Variants in CHCHD3 observed in about 807,000 individuals in gnomAD.
CHCHD3 encodes the protein coiled-coil-helix-coiled-coil-helix domain containing 3.
A neutral mutation model predicts 38.2 loss-of-function variants in CHCHD3; 20 were observed. That is an observed-to-expected ratio of 0.52 (90% confidence interval 0.37 to 0.76). The LOEUF (loss-of-function observed/expected upper bound fraction) is 0.76. CHCHD3 is among the 30% of genes least tolerant of loss of function. The pLI is 0.00. For synonymous variants in CHCHD3, 82 were observed against 100.0 expected (o/e 0.82, Z 1.07); for missense variants, 245 against 279.2 (o/e 0.88, Z 0.87).
At chr7:132,833,138 A>T in intron 6 of CHCHD3, among the ~76,000 whole-genome samples, 1 of 152,222 alleles carries the variant, frequency 6.6e-6, no homozygotes, top group Non-Finnish European at 1.5e-5. Flanking sequence ...GGTACAGCAT[A>T]AGGATTAATA....
At chr7:133,016,314 T>G (rs1267064951) in intron 3 of CHCHD3, among the ~76,000 whole-genome samples, 2 of 152,216 alleles carry the variant, frequency 1.3e-5, no homozygotes, top group African/African-American at 2.4e-5. Context: ...TTTGTTAATG[T>G]GGGTACATTG....
At chr7:132,873,259 C>G (rs1419993963) in intron 5 of CHCHD3, among the ~76,000 whole-genome samples, 1 of 152,024 alleles carries the variant, frequency 6.6e-6, no homozygotes, top group Admixed American at 6.6e-5. Flanking sequence ...AATCCCAGGT[C>G]AAGTTACTCA....
chr7:132,910,396 T>G (rs1809916213), intron 4 of CHCHD3, among the ~76,000 whole-genome samples: 1 of 152,372 alleles, frequency 6.6e-6, no homozygotes, highest in South Asian at 2.1e-4. Context: ...TTCAGGCTCC[T>G]GACAGACACA....
At chr7:133,034,818 C>T (rs777447618) in intron 2 of CHCHD3, 2 of 1,611,682 alleles carry the variant, frequency 1.2e-6, no homozygotes, top group South Asian at 1.1e-5. Flanking sequence ...AATGGAGCTG[C>T]TATTGTTGGT....
At chr7:132,962,443 A>C (rs1010803217) in intron 4 of CHCHD3, among the ~76,000 whole-genome samples, 20 of 152,244 alleles carry the variant, frequency 1.3e-4, no homozygotes, top group Non-Finnish European at 2.5e-4. Context: ...AACAAAGGGC[A>C]TAAAGAAAAG....
chr7:132,815,196 CA>C (rs1158833002), intron 6 of CHCHD3, among the ~76,000 whole-genome samples: 1 of 152,066 alleles, frequency 6.6e-6, no homozygotes, highest in Non-Finnish European at 1.5e-5. Context: ...TTATAAGTGC[CA>C]ACATTTAGAC....
At chr7:132,990,951 T>TACACACAC (rs768136991) in intron 3 of CHCHD3, among the ~76,000 whole-genome samples, 36,921 of 143,574 alleles carry the variant, frequency 0.26, 5,317 homozygotes, top group Non-Finnish European at 0.34. Context: ...CAGACACACA[T>TACACACAC]ACACACACAC....
intron 6 of CHCHD3, among the ~76,000 whole-genome samples, chr7:132,830,152 A>G (rs1055535730): frequency 2.0e-5 from 3 of 152,232 alleles, no homozygotes; most frequent in African/African-American, 7.2e-5. Flanking sequence ...GAAGGGGGGA[A>G]AAAGCATTAA....
rs557499267 is a variant in CHCHD3, at chr7:132,829,913, C to T, written c.524+8486G>A. 4.6e-5 allele frequency among the ~76,000 whole-genome samples: 7 copies of T among 152,270 alleles called. No homozygotes were observed. The East Asian group carries it at 1.2e-3, about 25-fold the overall frequency. ...TATTCCCAATCAGCTTTGCCATCTG[C>T]CCTGCCCTTTTCTGCAGGATACCAC... On this transcript the variant is annotated intron_variant, in intron 6 of 7. Coordinates refer to ENST00000262570, the MANE Select transcript of CHCHD3 (RefSeq NM_017812.4).
chr7:132,834,177 C>T lies in CHCHD3; in HGVS notation c.524+4222G>A, dbSNP rs149488029. 4.1e-3 allele frequency among the ~76,000 whole-genome samples: 624 copies of T among 152,246 alleles called. 8 individuals carry two copies. Among genetic ancestry groups the T allele is most frequent in the African/African-American group, 0.014 (585 of 41,534 alleles). On this transcript the variant is annotated intron_variant, in intron 6 of 7. Transcript: ENST00000262570. Reference sequence around the variant, plus strand: ...TATTATATATTGTCTTACAAAAGTCCTGATTATCTGAGATGGCCAAATTTC... The same window carrying T: ...TATTATATATTGTCTTACAAAAGTCTTGATTATCTGAGATGGCCAAATTTC...
chr7:132,902,687 A>G (rs1048170639), intron 4 of CHCHD3, among the ~76,000 whole-genome samples: 6 of 152,132 alleles, frequency 3.9e-5, no homozygotes, highest in African/African-American at 1.4e-4. Flanking sequence ...GGGAGTGGGG[A>G]GGGATAGCAT....
At chr7:132,789,020 C>T (rs1166738357) in intron 7 of CHCHD3, among the ~76,000 whole-genome samples, 2 of 152,176 alleles carry the variant, frequency 1.3e-5, no homozygotes, top group African/African-American at 4.8e-5. Flanking sequence ...AGCTATGCGA[C>T]AAAACCTGCT....
At chr7:133,000,023 C>T (rs1812523409) in intron 3 of CHCHD3, among the ~76,000 whole-genome samples, 1 of 152,116 alleles carries the variant, frequency 6.6e-6, no homozygotes, top group Non-Finnish European at 1.5e-5. Flanking sequence ...CTAAATTCAC[C>T]TATCTCACTT....
chr7:132,990,986 T>C (rs1325492801), intron 3 of CHCHD3, among the ~76,000 whole-genome samples: 1 of 95,422 alleles, frequency 1.0e-5, no homozygotes, highest in African/African-American at 4.3e-5. Flanking sequence ...ACACACAACC[T>C]AACTCATTCT....
At chr7:132,794,220 T>G (rs1383073393) in intron 7 of CHCHD3, among the ~76,000 whole-genome samples, 1 of 152,208 alleles carries the variant, frequency 6.6e-6, no homozygotes, top group Non-Finnish European at 1.5e-5. Flanking sequence ...TATTTCTGCA[T>G]TAGTGGATGA....
chr7:132,867,145 G>A (rs558850256), intron 5 of CHCHD3, among the ~76,000 whole-genome samples: 31 of 152,206 alleles, frequency 2.0e-4, no homozygotes, highest in Admixed American at 7.8e-4. Context: ...AGAACCAGAG[G>A]AATTTCTGTC....
intron 2 of CHCHD3, among the ~76,000 whole-genome samples, chr7:133,050,969 T>A (rs1031814664): frequency 3.9e-5 from 6 of 152,160 alleles, no homozygotes; most frequent in African/African-American, 1.4e-4. Context: ...TGAGCTGAGA[T>A]TGAACCACTG....
chr7:132,949,776 GA>G (rs1381066739), intron 4 of CHCHD3, among the ~76,000 whole-genome samples: 1 of 151,790 alleles, frequency 6.6e-6, no homozygotes, highest in Non-Finnish European at 1.5e-5. Flanking sequence ...AAAAAATATA[GA>G]AAAAAATACC....
At chr7:132,825,727 T>TA (rs1253569705) in intron 6 of CHCHD3, among the ~76,000 whole-genome samples, 3 of 152,230 alleles carry the variant, frequency 2.0e-5, no homozygotes, top group East Asian at 3.8e-4. Flanking sequence ...GATAATGCAC[T>TA]ACCACCCAGC....
Sources: allele counts gnomAD v4.1 joint callset (sites outside exome capture counted in the v4.1 genomes callset), GRCh38; gene constraint gnomAD v4.1.1; transcripts MANE v1.5; gene names NCBI Gene and HGNC (gene_info 2026-07-23, HGNC 2026-07-21).